SEMA4D: variants seen among roughly 807,000 people sequenced by gnomAD.
SEMA4D encodes the protein semaphorin 4D.
In SEMA4D, 22 loss-of-function variants were observed where a neutral mutation model predicts 74.8. The ratio of observed to expected loss-of-function variants is 0.29; its 90% CI spans 0.21 to 0.42. SEMA4D has a LOEUF of 0.42. Among genes scored for constraint, SEMA4D ranks in the 10% least tolerant of loss-of-function variants. The pLI, the probability that SEMA4D is intolerant of heterozygous loss-of-function variation, is 1.00. For missense variants in SEMA4D, 937 were observed against 1,118.4 expected (o/e 0.84, Z 2.31); for synonymous variants, 445 against 463.7 (o/e 0.96, Z 0.52).
chr9:89,417,811 G>A (rs1475660496), intron 2 of SEMA4D, among the ~76,000 whole-genome samples: 1 of 152,204 alleles, frequency 6.6e-6, no homozygotes, highest in Non-Finnish European at 1.5e-5. Flanking sequence ...GAGCAGGGAA[G>A]AATAGGGGGA....
chr9:89,381,404 G>GC lies in SEMA4D; in HGVS notation c.1447-59dup. ...AGGCAAGCAGGCATCCAGGAGCATG[G>GC]CCTCTGCTTCTGCACCAGTGTGTGG... On this transcript the variant is annotated intron_variant, in intron 13 of 15. Coordinates refer to ENST00000422704, the MANE Select transcript of SEMA4D (RefSeq NM_001371194.2). This position sits in a 1 kb window ranked among gnomAD's most constrained non-coding sequence, Gnocchi z 4.6. 1 of 1,424,302 alleles carries GC rather than the reference G, an allele frequency of 7.0e-7. No homozygotes were observed. The highest frequency in any genetic ancestry group is 9.3e-7 in the Non-Finnish European group (1 of 1,076,370). The allele number at this position is 1,424,302 out of a possible 1,614,324, so 88.2% of individuals were successfully genotyped here.
At chr9:89,438,666 T>C (rs767038272) in intron 2 of SEMA4D, among the ~76,000 whole-genome samples, 1 of 152,200 alleles carries the variant, frequency 6.6e-6, no homozygotes, top group Non-Finnish European at 1.5e-5. Flanking sequence ...TGTATGTTTT[T>C]TCTTTTCTTT....
Position 89,413,972 on chromosome 9 carries a change from C to G in SEMA4D, c.-243-8273G>C, listed in dbSNP as rs569124636. On this transcript the variant is annotated intron_variant, in intron 2 of 15. Transcript: ENST00000422704. Reference sequence around the variant, plus strand: ...CATACATTCTGATCTAGTGTTGCATCTTAGATGTGAATAGTGACTGCTGGC... The same window carrying G: ...CATACATTCTGATCTAGTGTTGCATGTTAGATGTGAATAGTGACTGCTGGC... Among the ~76,000 whole-genome samples, 7 of 152,312 alleles carry G rather than the reference C, an allele frequency of 4.6e-5. No individual in the cohort carries two copies. The South Asian group carries it at 1.5e-3, about 32-fold the overall frequency.
At chr9:89,389,130 TG>T (rs1839237091) in intron 9 of SEMA4D, 83 bp from the exon 10 acceptor site, 19 of 1,455,558 alleles carry the variant, frequency 1.3e-5, no homozygotes, top group Non-Finnish European at 1.8e-5. Flanking sequence ...CACCCCTCCA[TG>T]GCCCAGCACA....
Position 89,402,944 on chromosome 9 carries a change from T to A in SEMA4D, c.179A>T (p.Asp60Val). Residue 60 changes from aspartate (D) to valine (V), a missense_variant, in exon 4 of 16, where the codon GAC (aspartate) becomes GTC (valine). By Grantham distance (152) the Asp-to-Val change is radical. Coordinates refer to ENST00000422704, the MANE Select transcript of SEMA4D (RefSeq NM_001371194.2). ...CTCCCGGGCACCTATGTACAAGGTG[T>A]CCTTGTCCTCGCTCAGCAGCAAGGC... The part of the protein sequence containing the change: ...YSALLLSEDK[D>V]TLYIGAREAV... The A allele has an allele frequency of 6.2e-7, 1 of 1,613,958 alleles. No homozygotes were observed. Among genetic ancestry groups the A allele is most frequent in the Non-Finnish European group, 8.5e-7 (1 of 1,179,808 alleles).
intron 1 of SEMA4D, among the ~76,000 whole-genome samples, chr9:89,474,898 C>G (rs1861390873): frequency 1.3e-5 from 2 of 152,342 alleles, no homozygotes; most frequent in African/African-American, 4.8e-5. Flanking sequence ...TGCAGAGGCC[C>G]CTGGTGTCCC....
At position 89,381,456 on chromosome 9, in the gene SEMA4D, G is replaced by A; in HGVS notation, c.1447-110C>T. 1 of 1,079,546 alleles carries A rather than the reference G, an allele frequency of 9.3e-7. No individual in the cohort carries two copies. Among genetic ancestry groups the A allele is most frequent in the African/African-American group, 1.6e-5 (1 of 62,686 alleles). 66.9% of individuals were successfully genotyped at this position (1,079,546 alleles called of 1,614,324 possible). The stretch of plus-strand genomic sequence containing the variant: ...AAGCAGCCAGAGTGTACCTTCAGGG[G>A]ACATTGCAGTAAGGAGGAGAGGTAC... On this transcript the variant is annotated intron_variant, in intron 13 of 15. Coordinates refer to ENST00000422704, the MANE Select transcript of SEMA4D (RefSeq NM_001371194.2). This position sits in a 1 kb window ranked among gnomAD's most constrained non-coding sequence, Gnocchi z 4.6.
chr9:89,381,969 A>G lies in SEMA4D; in HGVS notation c.1447-623T>C, dbSNP rs1193098202. 6.6e-6 allele frequency: 1 copy of G among 152,262 alleles called. No individual in the cohort carries two copies. Among genetic ancestry groups the G allele is most frequent in the Non-Finnish European group, 1.5e-5 (1 of 68,070 alleles). 9.4% of individuals were successfully genotyped at this position (152,262 alleles called of 1,614,324 possible). A position where few individuals can be genotyped will look rare whatever the true frequency, so the allele number is the denominator to read the frequency against. On this transcript the variant is annotated intron_variant, in intron 13 of 15. Transcript: ENST00000422704. This position sits in a 1 kb window ranked among gnomAD's most constrained non-coding sequence, Gnocchi z 4.6. Reference sequence around the variant, plus strand: ...AATGCCTTTTGCTTTTCACTTATCTATATGTAAAAGGGAAGAGCTCACAGA... The same window carrying G: ...AATGCCTTTTGCTTTTCACTTATCTGTATGTAAAAGGGAAGAGCTCACAGA...
chr9:89,482,025 GA>G (rs1824751647), intron 1 of SEMA4D, among the ~76,000 whole-genome samples: 1 of 152,248 alleles, frequency 6.6e-6, no homozygotes, highest in Non-Finnish European at 1.5e-5. Context: ...TCCAAGAGGG[GA>G]AAGGAGGCAG....
At chr9:89,368,456 A>G (rs1321775958) in intron 16 of SEMA4D, 1 of 152,420 alleles carries the variant, frequency 6.6e-6, no homozygotes, top group Non-Finnish European at 1.5e-5. Flanking sequence ...GTCTTTTCTA[A>G]TCCTGGCCAT....
intron 4 of SEMA4D, among the ~76,000 whole-genome samples, chr9:89,401,355 C>A (rs764374101): frequency 6.6e-6 from 1 of 152,172 alleles, no homozygotes; most frequent in Non-Finnish European, 1.5e-5. Flanking sequence ...CAGCACCCAG[C>A]CAAATACTTG....
chr9:89,380,964 C>T (rs1836898126), intron 15 of SEMA4D, 91 bp downstream of exon 15: 3 of 1,477,174 alleles, frequency 2.0e-6, no homozygotes, highest in East Asian at 2.3e-5. Flanking sequence ...AAAAACAAAA[C>T]ACACACAAAT....
intron 2 of SEMA4D, among the ~76,000 whole-genome samples, chr9:89,419,373 C>T (rs1235079538): frequency 6.6e-6 from 1 of 152,192 alleles, no homozygotes; most frequent in Non-Finnish European, 1.5e-5. Flanking sequence ...CCTGTTGAAA[C>T]TCCTGGGGCA....
intron 1 of SEMA4D, among the ~76,000 whole-genome samples, chr9:89,472,011 T>A (rs979785209): frequency 2.0e-5 from 3 of 152,104 alleles, no homozygotes; most frequent in Admixed American, 2.0e-4. Flanking sequence ...CTCAGATGCA[T>A]ACAGGCTGAG....
chr9:89,399,474 G>C, intron 4 of SEMA4D, 136 bp from the exon 5 acceptor site: 1 of 685,028 alleles, frequency 1.5e-6, no homozygotes, highest in South Asian at 1.7e-5. Context: ...AGACTGCAAG[G>C]GAGGTTCAGA....
intron 4 of SEMA4D, among the ~76,000 whole-genome samples, chr9:89,400,451 G>A (rs528790157): frequency 1.8e-4 from 27 of 152,358 alleles, no homozygotes; most frequent in African/African-American, 6.3e-4. Context: ...TCAGGACTCA[G>A]AGGTTAGGAA....
chr9:89,414,990 A>G (rs749927814), intron 2 of SEMA4D, among the ~76,000 whole-genome samples: 9 of 152,368 alleles, frequency 5.9e-5, no homozygotes, highest in South Asian at 2.1e-4. Context: ...ACAGGCATCC[A>G]TCTATCAGCA....
intron 1 of SEMA4D, among the ~76,000 whole-genome samples, chr9:89,457,432 C>T (rs974945227): frequency 6.6e-6 from 1 of 152,292 alleles, no homozygotes; most frequent in East Asian, 1.9e-4. Context: ...GTGTATGCAC[C>T]CATCACAAAG....
At chr9:89,423,974 ACC>A (rs1416967217) in intron 2 of SEMA4D, among the ~76,000 whole-genome samples, 74 of 24,916 alleles carry the variant, frequency 3.0e-3, no homozygotes, top group African/African-American at 0.011. Flanking sequence ...CAGCACCTCC[ACC>A]CCCTCAGCTA....
Sources: allele counts gnomAD v4.1 joint callset (sites outside exome capture counted in the v4.1 genomes callset), GRCh38; gene constraint gnomAD v4.1.1; non-coding constraint Gnocchi (gnomAD v3.1); transcripts MANE v1.5; gene names NCBI Gene and HGNC (gene_info 2026-07-23, HGNC 2026-07-21).